SP100: variants seen among roughly 807,000 people sequenced by gnomAD.
SP100 encodes the protein SP100 nuclear body protein.
Under a neutral mutation model 130.0 loss-of-function variants are expected in SP100, and 84 were observed. That is an observed-to-expected ratio of 0.65 (90% confidence interval 0.54 to 0.77). SP100 has a LOEUF of 0.77. SP100 is among the 30% of genes least tolerant of loss of function. The probability of loss-of-function intolerance (pLI) is 0.00; values close to 1 mark genes in which losing one functional copy is unlikely to be tolerated. For synonymous variants in SP100, 331 were observed against 351.7 expected, an observed-to-expected ratio of 0.94 and a Z score of 0.66; for missense variants, 978 against 1,052.2, an observed-to-expected ratio of 0.93 and a Z score of 0.97.
At position 230,443,181 on chromosome 2, in the gene SP100, G is replaced by C. The variant is rs534001620; in HGVS notation, c.270+82G>C. ...TTTGATATCCTAGACCAAAACTTCAGGGTACAATTTGCTAACTGACAGGTC... is the reference window on the plus strand; with the variant it reads ...TTTGATATCCTAGACCAAAACTTCACGGTACAATTTGCTAACTGACAGGTC... On this transcript the variant is annotated intron_variant, in intron 3 of 28. Coordinates refer to ENST00000340126, the MANE Select transcript of SP100 (RefSeq NM_001080391.2). 4.3e-6 allele frequency: 6 copies of C among 1,405,392 alleles called. No individual in the cohort carries two copies. The East Asian group carries it at 1.4e-4, about 32-fold the overall frequency. The allele number at this position is 1,405,392 out of a possible 1,614,324, so 87.1% of individuals were successfully genotyped here. A position where few individuals can be genotyped will look rare whatever the true frequency, so the allele number is the denominator to read the frequency against.
chr2:230,461,385 C>T lies in SP100; in HGVS notation c.944C>T (p.Thr315Ile). The T allele has an allele frequency of 1.2e-6, 2 of 1,614,140 alleles. No homozygotes were observed. Among genetic ancestry groups the T allele is most frequent in the Non-Finnish European group, 8.5e-7 (1 of 1,179,992 alleles). Residue 315 changes from threonine to isoleucine, a missense_variant, in exon 9 of 29, where the codon ACT becomes ATT. Thr to Ile is a moderately conservative substitution (Grantham distance 89). Transcript: ENST00000340126. The part of the protein sequence containing the change: ...SKVECQAQAR[T>I]HHNQASDIIV... ...GTTGAGTGCCAAGCCCAAGCAAGAA[C>T]TCATCATAACCAGGCATCTGACATA...
intron 23 of SP100, chr2:230,509,916 T>A (rs907751690): frequency 6.6e-6 from 1 of 152,312 alleles, no homozygotes; most frequent in Non-Finnish European, 1.5e-5. Context: ...AAGCTCCAGG[T>A]GATGGGCTTG....
At chr2:230,486,520 G>A (rs1318867562) in intron 17 of SP100, among the ~76,000 whole-genome samples, 4 of 152,112 alleles carry the variant, frequency 2.6e-5, no homozygotes, top group African/African-American at 9.7e-5. Context: ...CCTTTTTATG[G>A]CTGCATAGTA....
At chr2:230,524,930 A>C (rs528301470) in intron 24 of SP100, among the ~76,000 whole-genome samples, 2 of 152,196 alleles carry the variant, frequency 1.3e-5, no homozygotes, top group Non-Finnish European at 2.9e-5. Flanking sequence ...AAAAAGAATA[A>C]TTTTGTCTAA....
chr2:230,457,736 T>C (rs2064355974), intron 8 of SP100, among the ~76,000 whole-genome samples: 1 of 152,216 alleles, frequency 6.6e-6, no homozygotes, highest in Non-Finnish European at 1.5e-5. Flanking sequence ...TCCTCAGCTC[T>C]TGCAAAGGTA....
At chr2:230,424,024 G>A (rs1485292375) in intron 2 of SP100, among the ~76,000 whole-genome samples, 1 of 152,192 alleles carries the variant, frequency 6.6e-6, no homozygotes, top group African/African-American at 2.4e-5. Context: ...AGTAGAGAGG[G>A]TAGGAGCAGG....
Position 230,449,639 on chromosome 2 carries a change from C to T in SP100, c.665C>T (p.Thr222Ile). The T allele has an allele frequency of 1.2e-6, 2 of 1,614,064 alleles. No homozygotes were observed. The highest frequency in any genetic ancestry group is 1.7e-6 in the Non-Finnish European group (2 of 1,179,982). The change falls in exon 7 of 29, where the codon ACC (threonine) becomes ATC (isoleucine). Residue 222 changes from threonine (T) to isoleucine (I), a missense_variant. By Grantham distance (89) the Thr-to-Ile change is moderately conservative. Transcript: ENST00000340126. ...ATAAATGCAAAGAGAAAAGATACAA[C>T]CAGTGACAAAGATGATTCGCTAGGA... Reference protein sequence around the residue: ...EQINAKRKDTTSDKDDSLGSQ... With the variant: ...EQINAKRKDTISDKDDSLGSQ...
At chr2:230,504,790 CATTT>C (rs890617936) in intron 21 of SP100, among the ~76,000 whole-genome samples, 3 of 152,144 alleles carry the variant, frequency 2.0e-5, no homozygotes, top group Non-Finnish European at 2.9e-5. Flanking sequence ...CCCTCTTCTT[CATTT>C]ATGGTTATAG....
chr2:230,479,701 G>A (rs2065744261), intron 17 of SP100, among the ~76,000 whole-genome samples: 1 of 152,238 alleles, frequency 6.6e-6, no homozygotes, highest in South Asian at 2.1e-4. Flanking sequence ...CCAACCAATA[G>A]TGTGGAAGGC....
chr2:230,516,541 A>C (rs1690924955), intron 24 of SP100: 1 of 152,194 alleles, frequency 6.6e-6, no homozygotes. Flanking sequence ...AGTCTCATGT[A>C]ATTCTTATTT....
chr2:230,443,416 C>T (rs981354540), intron 3 of SP100, among the ~76,000 whole-genome samples: 3 of 152,080 alleles, frequency 2.0e-5, no homozygotes, highest in Non-Finnish European at 4.4e-5. Flanking sequence ...TTGTAGAATT[C>T]GTACACTATA....
intron 17 of SP100, among the ~76,000 whole-genome samples, chr2:230,490,820 C>A (rs1470260758): frequency 2.0e-5 from 3 of 152,166 alleles, no homozygotes; most frequent in African/African-American, 7.2e-5. Flanking sequence ...GGCACCCAAT[C>A]TCTTCTGGCT....
chr2:230,501,655 G>GAGGAGTTT (rs71396636), intron 19 of SP100, among the ~76,000 whole-genome samples: 61,219 of 151,614 alleles, frequency 0.4, 13,727 homozygotes, highest in South Asian at 0.56. Context: ...TGAGCATCTG[G>GAGGAGTTT]AGGAGTTTTT....
At chr2:230,531,319 A>G (rs1182381781) in intron 24 of SP100, among the ~76,000 whole-genome samples, 2 of 152,128 alleles carry the variant, frequency 1.3e-5, no homozygotes, top group Admixed American at 6.5e-5. Context: ...TATCACAAGG[A>G]CAGAAAACCA....
At chr2:230,501,961 C>T (rs915799646) in intron 19 of SP100, among the ~76,000 whole-genome samples, 3 of 151,952 alleles carry the variant, frequency 2.0e-5, no homozygotes, top group Non-Finnish European at 4.4e-5. Context: ...CTCCGCCTCC[C>T]GGATTCAAGC....
chr2:230,515,035 G>C (rs1457274900), intron 24 of SP100: 1 of 1,598,432 alleles, frequency 6.3e-7, no homozygotes, highest in African/African-American at 1.4e-5. Flanking sequence ...GGACAAAGCA[G>C]ATCCTAAGAA....
At chr2:230,441,670 G>GT (rs113342092) in intron 2 of SP100, among the ~76,000 whole-genome samples, 6,510 of 152,236 alleles carry the variant, frequency 0.043, 477 homozygotes, top group African/African-American at 0.15. Flanking sequence ...GTAGCGGGCA[G>GT]TATTAAGATA....
At chr2:230,438,439 C>T (rs1301495922) in intron 2 of SP100, among the ~76,000 whole-genome samples, 4 of 151,992 alleles carry the variant, frequency 2.6e-5, no homozygotes, top group African/African-American at 4.8e-5. Flanking sequence ...CCACCCTTTC[C>T]CCTGAGTCCC....
chr2:230,454,780 T>C (rs1193034012), intron 8 of SP100, among the ~76,000 whole-genome samples: 1 of 152,200 alleles, frequency 6.6e-6, no homozygotes, highest in African/African-American at 2.4e-5. Flanking sequence ...AAATATTCTA[T>C]ATATGCCTTT....
Sources: allele counts gnomAD v4.1 joint callset (sites outside exome capture counted in the v4.1 genomes callset), GRCh38; gene constraint gnomAD v4.1.1; transcripts MANE v1.5; gene names NCBI Gene and HGNC (gene_info 2026-07-23, HGNC 2026-07-21).